TENM4: variants seen among roughly 807,000 people sequenced by gnomAD.
TENM4 encodes the protein teneurin transmembrane protein 4.
Under a neutral mutation model 243.3 loss-of-function variants are expected in TENM4, and 82 were observed. The ratio of observed to expected loss-of-function variants is 0.34; its 90% CI spans 0.28 to 0.40. The LOEUF (loss-of-function observed/expected upper bound fraction) is 0.40. Among genes scored for constraint, TENM4 ranks in the 10% least tolerant of loss-of-function variants. The pLI is 1.00. For missense variants in TENM4, 3,138 were observed against 3,673.3 expected (o/e 0.85, Z 3.77); for synonymous variants, 1,412 against 1,456.3 (o/e 0.97, Z 0.69).
intron 12 of TENM4, among the ~76,000 whole-genome samples, chr11:78,816,840 G>A (rs1030283716): frequency 6.6e-6 from 1 of 152,186 alleles, no homozygotes; most frequent in Non-Finnish European, 1.5e-5. Flanking sequence ...AAAATAATAA[G>A]TCAACTGTTG....
At chr11:79,265,703 A>G (rs1196605614) in intron 2 of TENM4, among the ~76,000 whole-genome samples, 2 of 152,030 alleles carry the variant, frequency 1.3e-5, no homozygotes, top group Non-Finnish European at 2.9e-5. Flanking sequence ...TCTCCTATCA[A>G]TAAACTCTAT....
chr11:78,687,824 C>G (rs961928874), intron 29 of TENM4, among the ~76,000 whole-genome samples: 5 of 152,166 alleles, frequency 3.3e-5, no homozygotes, highest in Admixed American at 2.6e-4. Flanking sequence ...ATTCCCTACC[C>G]TTTGTTCTGA....
chr11:79,363,258 G>A (rs1857621382), intron 1 of TENM4, among the ~76,000 whole-genome samples: 1 of 152,202 alleles, frequency 6.6e-6, no homozygotes, highest in Non-Finnish European at 1.5e-5. Context: ...CCCTTTTAGG[G>A]CAATTGCTGT....
chr11:78,974,905 G>A (rs908200452), intron 6 of TENM4, among the ~76,000 whole-genome samples: 3 of 151,380 alleles, frequency 2.0e-5, no homozygotes, highest in Admixed American at 6.6e-5. Context: ...GGCTAGTCTC[G>A]AACTCCTGAC....
At chr11:79,375,347 A>G (rs1393794506) in intron 1 of TENM4, among the ~76,000 whole-genome samples, 3 of 152,238 alleles carry the variant, frequency 2.0e-5, no homozygotes, top group Non-Finnish European at 4.4e-5. Context: ...CAGTCATCCT[A>G]TAGCTTCACA....
chr11:79,360,708 CTTTA>C (rs986426829), intron 1 of TENM4, among the ~76,000 whole-genome samples: 13 of 152,266 alleles, frequency 8.5e-5, no homozygotes, highest in Non-Finnish European at 1.2e-4. Context: ...TCTCTCGAGA[CTTTA>C]TTTAAGGGTA....
At chr11:78,764,968 T>C (rs917592363) in intron 18 of TENM4, among the ~76,000 whole-genome samples, 5 of 152,308 alleles carry the variant, frequency 3.3e-5, no homozygotes, top group Middle Eastern at 6.8e-3. Flanking sequence ...GGGCAATCCG[T>C]GGCCTAGTAA....
chr11:79,434,136 A>AT (rs1294915055), intron 1 of TENM4, among the ~76,000 whole-genome samples: 2 of 152,210 alleles, frequency 1.3e-5, no homozygotes, highest in Non-Finnish European at 2.9e-5. Context: ...TAACGGCAAA[A>AT]GCACCCTCTG....
At chr11:79,032,867 C>A (rs1046275558) in intron 6 of TENM4, among the ~76,000 whole-genome samples, 21 of 152,128 alleles carry the variant, frequency 1.4e-4, no homozygotes, top group African/African-American at 4.8e-4. Context: ...ATTCCTCAGG[C>A]CCCTGAGAAT....
chr11:79,049,840 G>A (rs1012697430), intron 6 of TENM4, among the ~76,000 whole-genome samples: 3 of 152,230 alleles, frequency 2.0e-5, no homozygotes. Flanking sequence ...CCTGGCTGTA[G>A]GAACAGAGCA....
chr11:78,653,976 A>G lies in TENM4; in HGVS notation c.*4082T>C. 6.6e-6 allele frequency: 1 copy of G among 152,276 alleles called. No individual in the cohort carries two copies. The highest frequency in any genetic ancestry group is 1.9e-4 in the East Asian group (1 of 5,198). The allele number at this position is 152,276 out of a possible 1,614,324, so 9.4% of individuals were successfully genotyped here. ...TCTATCACCTCAGCAATGAGTCTTT[A>G]AAATGAGTTTGCTGTTTTTGGAAGG... On this transcript the variant is annotated 3_prime_UTR_variant, in exon 34 of 34. Coordinates refer to ENST00000278550, the MANE Select transcript of TENM4 (RefSeq NM_001098816.3).
intron 2 of TENM4, among the ~76,000 whole-genome samples, chr11:79,240,073 G>A (rs1369002489): frequency 6.6e-6 from 1 of 152,112 alleles, no homozygotes; most frequent in Admixed American, 6.5e-5. Context: ...CCTGAGTTTC[G>A]ATCCTGGCTT....
chr11:79,194,940 G>A (rs1863590999), intron 3 of TENM4, among the ~76,000 whole-genome samples: 1 of 152,136 alleles, frequency 6.6e-6, no homozygotes, highest in Admixed American at 6.5e-5. Flanking sequence ...GGAGGAAAAA[G>A]TGGTTTTGTA....
intron 1 of TENM4, among the ~76,000 whole-genome samples, chr11:79,342,078 G>A (rs896871256): frequency 2.6e-5 from 4 of 152,196 alleles, no homozygotes; most frequent in Non-Finnish European, 4.4e-5. Flanking sequence ...CACTGGGTGG[G>A]TGGTCTTTCC....
rs150345860 is a variant in TENM4, at chr11:79,162,121, C to T, written c.-162-13315G>A. ...TGGCCAAGTCTGTCTAACTATAGGT[C>T]GAAGTGTTAGCAAGACCCTGTGTGC... On this transcript the variant is annotated intron_variant, in intron 3 of 33. Transcript: ENST00000278550. Among the ~76,000 whole-genome samples, 437 of 152,230 alleles carry T rather than the reference C, an allele frequency of 2.9e-3. 5 individuals are homozygous for T. Among genetic ancestry groups the T allele is most frequent in the Non-Finnish European group, 9.4e-4 (64 of 68,036 alleles).
chr11:79,160,442 G>A (rs547596378), intron 3 of TENM4, among the ~76,000 whole-genome samples: 3 of 152,256 alleles, frequency 2.0e-5, no homozygotes, highest in East Asian at 1.9e-4. Context: ...GTCAGAGCTC[G>A]GGGGACTTGG....
chr11:79,357,191 C>T (rs1470855183), intron 1 of TENM4, among the ~76,000 whole-genome samples: 1 of 152,222 alleles, frequency 6.6e-6, no homozygotes, highest in Non-Finnish European at 1.5e-5. Context: ...AGGGCAGTAA[C>T]TGGCACATGC....
chr11:78,780,656 C>A (rs1167388118), intron 16 of TENM4, among the ~76,000 whole-genome samples: 1 of 152,148 alleles, frequency 6.6e-6, no homozygotes, highest in African/African-American at 2.4e-5. Context: ...AGCTTATATC[C>A]ATTCTACAGG....
At chr11:79,166,719 G>A (rs565857407) in intron 3 of TENM4, among the ~76,000 whole-genome samples, 2 of 152,314 alleles carry the variant, frequency 1.3e-5, no homozygotes, top group South Asian at 4.1e-4. Flanking sequence ...GTCATGCGGT[G>A]ATTAATTTGC....
Sources: gnomAD v4.1 joint callset for allele counts (sites outside exome capture counted in the v4.1 genomes callset) on GRCh38, gnomAD v4.1.1 for gene constraint, MANE v1.5 for transcripts, NCBI Gene and HGNC (gene_info 2026-07-23, HGNC 2026-07-21) for gene names.